The following CATSPERB variants were observed in gnomAD, a reference collection of about 807,000 sequenced individuals.
The protein encoded by CATSPERB is cation channel sperm-associated auxiliary subunit beta.
In CATSPERB, 93 loss-of-function variants were observed where a neutral mutation model predicts 128.3. The ratio of observed to expected loss-of-function variants is 0.72; its 90% CI spans 0.61 to 0.86. The LOEUF is 0.86. Ranked by LOEUF, CATSPERB falls within the 40% of genes least tolerant of loss-of-function variation. The pLI is 0.00. For missense variants in CATSPERB, 1,153 were observed against 1,329.5 expected, an observed-to-expected ratio of 0.87 and a Z score of 2.06; for synonymous variants, 381 against 448.8, an observed-to-expected ratio of 0.85 and a Z score of 1.91.
intron 2 of CATSPERB, among the ~76,000 whole-genome samples, chr14:91,727,923 A>C (rs1435871923): frequency 6.6e-6 from 1 of 152,160 alleles, no homozygotes; most frequent in Non-Finnish European, 1.5e-5. Context: ...AGTGGGCCAG[A>C]CTGGAACCAA....
intron 20 of CATSPERB, among the ~76,000 whole-genome samples, chr14:91,612,339 C>T (rs937423839): frequency 2.0e-5 from 3 of 152,008 alleles, no homozygotes; most frequent in South Asian, 2.1e-4. Context: ...TTTATAGAGA[C>T]GGGGTCTCGC....
intron 17 of CATSPERB, among the ~76,000 whole-genome samples, chr14:91,628,640 C>T (rs532690176): frequency 5.3e-5 from 8 of 152,252 alleles, no homozygotes; most frequent in South Asian, 2.1e-4. Context: ...TTTCTCCTGC[C>T]GCCATGTAAG....
Position 91,639,382 on chromosome 14 carries a change from G to A in CATSPERB, c.1433-132C>T. 5.8e-6 allele frequency: 4 copies of A among 685,252 alleles called. No individual in the cohort carries two copies. In the South Asian group the frequency reaches 6.3e-5, roughly 11 times the overall value. The allele number at this position is 685,252 out of a possible 1,614,324, so 42.4% of individuals were successfully genotyped here. On this transcript the variant is annotated intron_variant, in intron 15 of 26. Transcript: ENST00000256343. Reference sequence around the variant, plus strand: ...TAGGGCCCTGAGACTCCTGAATTAGGAAAATGCATGTTAGTTTTTGTTAAG... The same window carrying A: ...TAGGGCCCTGAGACTCCTGAATTAGAAAAATGCATGTTAGTTTTTGTTAAG...
At chr14:91,658,399 G>C (rs543766719) in intron 15 of CATSPERB, among the ~76,000 whole-genome samples, 1 of 151,820 alleles carries the variant, frequency 6.6e-6, no homozygotes, top group Admixed American at 6.6e-5. Flanking sequence ...GGGTAGTGGG[G>C]CATTATGTAG....
At chr14:91,715,752 G>T (rs4904807) in intron 5 of CATSPERB, among the ~76,000 whole-genome samples, 149,466 of 152,178 alleles carry the variant, frequency 0.98, 73,453 homozygotes, top group Middle Eastern at 1. Context: ...GGACTAACAT[G>T]GCTTACAAGA....
intron 1 of CATSPERB, among the ~76,000 whole-genome samples, chr14:91,730,339 C>T (rs1896191550): frequency 1.3e-5 from 2 of 152,246 alleles, no homozygotes; most frequent in Admixed American, 1.3e-4. Flanking sequence ...CAGCCAGCCA[C>T]CTATAAACTC....
chr14:91,610,453 C>G (rs747939350), intron 21 of CATSPERB, 27 bp downstream of exon 21: 9 of 1,593,334 alleles, frequency 5.6e-6, no homozygotes, highest in Non-Finnish European at 7.7e-6. Context: ...GCTTCTTAAA[C>G]CAATATACTT....
chr14:91,674,950 T>C (rs1895165398), intron 11 of CATSPERB, among the ~76,000 whole-genome samples: 1 of 152,192 alleles, frequency 6.6e-6, no homozygotes, highest in Admixed American at 6.5e-5. Flanking sequence ...AGCCTAAAGT[T>C]TGGAATGGTC....
At chr14:91,601,017 G>A (rs1332308425) in intron 22 of CATSPERB, among the ~76,000 whole-genome samples, 6 of 152,238 alleles carry the variant, frequency 3.9e-5, no homozygotes, top group Non-Finnish European at 4.4e-5. Context: ...GCTCTGGTAC[G>A]AAGGAGTTGA....
chr14:91,582,061 T>C (rs1893215458), intron 26 of CATSPERB, among the ~76,000 whole-genome samples: 1 of 152,216 alleles, frequency 6.6e-6, no homozygotes, highest in Non-Finnish European at 1.5e-5. Flanking sequence ...CTCACATTCA[T>C]TCTTTCCATT....
chr14:91,622,078 T>C (rs965281965), intron 18 of CATSPERB, 141 bp from the exon 19 acceptor site: 12 of 546,296 alleles, frequency 2.2e-5, no homozygotes, highest in African/African-American at 1.9e-4. Flanking sequence ...CAAATTTCAG[T>C]CATAATTCAA....
At chr14:91,657,850 A>G (rs1446174481) in intron 15 of CATSPERB, among the ~76,000 whole-genome samples, 1 of 152,194 alleles carries the variant, frequency 6.6e-6, no homozygotes, top group African/African-American at 2.4e-5. Context: ...AATAGCTTTT[A>G]TCGAAAAGAC....
At chr14:91,636,907 C>G (rs1435545081) in intron 16 of CATSPERB, among the ~76,000 whole-genome samples, 1 of 152,124 alleles carries the variant, frequency 6.6e-6, no homozygotes, top group Admixed American at 6.5e-5. Flanking sequence ...GATTTTAGAA[C>G]TGGGTTCTTA....
chr14:91,662,856 TTG>T (rs1434480859), intron 14 of CATSPERB, among the ~76,000 whole-genome samples: 1 of 152,230 alleles, frequency 6.6e-6, no homozygotes, highest in East Asian at 1.9e-4. Context: ...ATATGCTTAT[TTG>T]TGTGTTTTCT....
chr14:91,580,809 A>T lies in CATSPERB; in HGVS notation c.*80T>A. ...TTCTTTAGGATTTTATGTAGCTTGC[A>T]TATTTAACATTTAAATATATTGTTC... is the stretch of plus-strand genomic sequence containing the variant. On this transcript the variant is annotated 3_prime_UTR_variant, in exon 27 of 27. Transcript: ENST00000256343. The T allele has an allele frequency of 9.5e-7, 1 of 1,056,696 alleles. No individual in the cohort carries two copies. The highest frequency in any genetic ancestry group is 1.5e-5 in the South Asian group (1 of 67,038). The allele number at this position is 1,056,696 out of a possible 1,614,324, so 65.5% of individuals were successfully genotyped here.
chr14:91,610,346 T>G, intron 21 of CATSPERB, 134 bp downstream of exon 21: 1 of 654,356 alleles, frequency 1.5e-6, no homozygotes. Context: ...CAAAATGACA[T>G]GAGGATTAAA....
intron 19 of CATSPERB, among the ~76,000 whole-genome samples, chr14:91,617,951 A>G (rs1893975761): frequency 1.3e-5 from 2 of 152,222 alleles, no homozygotes. Flanking sequence ...GGGTTCTTGA[A>G]TCTCACACAA....
chr14:91,705,529 G>C (rs1033353646), intron 6 of CATSPERB, among the ~76,000 whole-genome samples: 2 of 152,240 alleles, frequency 1.3e-5, no homozygotes, highest in Non-Finnish European at 2.9e-5. Flanking sequence ...GGTCTTTCAC[G>C]TGGCAAACCA....
At chr14:91,700,097 C>T (rs948320036) in intron 7 of CATSPERB, among the ~76,000 whole-genome samples, 1 of 151,946 alleles carries the variant, frequency 6.6e-6, no homozygotes, top group African/African-American at 2.4e-5. Context: ...CCCCACCCCT[C>T]GACAGGCCCG....
Sources: allele counts gnomAD v4.1 joint callset (sites outside exome capture counted in the v4.1 genomes callset), GRCh38; gene constraint gnomAD v4.1.1; transcripts MANE v1.5; gene names NCBI Gene and HGNC (gene_info 2026-07-23, HGNC 2026-07-21).